MIA2: variants seen among roughly 807,000 people sequenced by gnomAD.
The protein encoded by MIA2 is MIA SH3 domain ER export factor 2.
A neutral mutation model predicts 167.8 loss-of-function variants in MIA2; 127 were observed. The observed-to-expected ratio is 0.76, with a 90% CI of 0.66 to 0.88. MIA2 has a LOEUF of 0.88. Among genes scored for constraint, MIA2 ranks in the 40% least tolerant of loss-of-function variants. The pLI is 0.00. For missense variants in MIA2, 1,690 were observed against 1,624.7 expected, an observed-to-expected ratio of 1.04 and a Z score of -0.69; for synonymous variants, 552 against 541.9, an observed-to-expected ratio of 1.02 and a Z score of -0.26.
In MIA2 at chr14:39,291,108, A is replaced by G. The variant is rs745681501; in HGVS notation, c.2208+12A>G. 1 of 1,587,950 alleles carries G rather than the reference A, an allele frequency of 6.3e-7. No individual in the cohort carries two copies. Among genetic ancestry groups the G allele is most frequent in the Admixed American group, 1.9e-5 (1 of 53,214 alleles). On this transcript the variant is annotated intron_variant, in intron 10 of 28. Transcript: ENST00000640607. ...CACAAAGTTTGGAGGTAGAAAATCA[A>G]ATGGTATAATTTTAAAAGCTGGGGA...
intron 12 of MIA2, among the ~76,000 whole-genome samples, chr14:39,294,693 C>T (rs950811125): frequency 6.6e-6 from 1 of 152,100 alleles, no homozygotes; most frequent in Admixed American, 6.5e-5. Flanking sequence ...CTGCACAGTA[C>T]ATAGAAAGTT....
chr14:39,352,652 G>A (rs2074420945), downstream of MIA2, among the ~76,000 whole-genome samples: 1 of 151,902 alleles, frequency 6.6e-6, no homozygotes, highest in African/African-American at 2.4e-5. Context: ...GCCTATAACT[G>A]TACTTCTTCC....
chr14:39,266,246 C>T (rs1402014528), intron 6 of MIA2: 1 of 985,432 alleles, frequency 1.0e-6, no homozygotes, highest in Non-Finnish European at 1.2e-6. Context: ...AATGATCATG[C>T]TGGCAAGGAA....
intron 6 of MIA2, chr14:39,267,156 A>C (rs1046474612): frequency 5.1e-6 from 6 of 1,165,510 alleles, no homozygotes; most frequent in Non-Finnish European, 6.4e-6. Context: ...TGCCCGGCCG[A>C]AACCAAACCG....
At chr14:39,300,617 TGAG>T (rs1187004315) in intron 14 of MIA2, among the ~76,000 whole-genome samples, 2 of 133,980 alleles carry the variant, frequency 1.5e-5, no homozygotes, top group Non-Finnish European at 3.0e-5. Context: ...AGTTGAACAA[TGAG>T]GACACTTGGA....
intron 13 of MIA2, among the ~76,000 whole-genome samples, chr14:39,296,305 A>T (rs947618219): frequency 2.6e-5 from 4 of 151,962 alleles, no homozygotes; most frequent in African/African-American, 9.7e-5. Context: ...TTTTGGTTGA[A>T]TATATTCTGG....
At chr14:39,353,657 G>C (rs1384998723), downstream of MIA2, among the ~76,000 whole-genome samples, 1 of 152,030 alleles carries the variant, frequency 6.6e-6, no homozygotes, top group Non-Finnish European at 1.5e-5. Flanking sequence ...TGCCATGTTG[G>C]TGTGCTGCAC....
chr14:39,270,307 T>C (rs2056902499), intron 6 of MIA2, among the ~76,000 whole-genome samples: 1 of 151,626 alleles, frequency 6.6e-6, no homozygotes, highest in South Asian at 2.1e-4. Context: ...GTTCAAGTGA[T>C]TCTCCTGCCT....
At chr14:39,253,352 T>A (rs1400067990) in intron 6 of MIA2, 181 bp downstream of exon 6, 1 of 837,216 alleles carries the variant, frequency 1.2e-6, no homozygotes, top group Non-Finnish European at 1.9e-6. Flanking sequence ...GGATATTGAT[T>A]TTTAAAAACA....
At chr14:39,250,395 T>C (rs1285033400) in intron 4 of MIA2, among the ~76,000 whole-genome samples, 1 of 152,014 alleles carries the variant, frequency 6.6e-6, no homozygotes, top group East Asian at 1.9e-4. Context: ...AGTGACACTT[T>C]TTCTCTAAAG....
chr14:39,296,241 A>T (rs73277467), intron 13 of MIA2, among the ~76,000 whole-genome samples: 2,724 of 152,028 alleles, frequency 0.018, 91 homozygotes, highest in African/African-American at 0.063. Flanking sequence ...ATAGGAGATA[A>T]TTTTTTTAGA....
At chr14:39,237,742 G>C (rs866181734) in intron 2 of MIA2, among the ~76,000 whole-genome samples, 84 of 152,058 alleles carry the variant, frequency 5.5e-4, no homozygotes, top group African/African-American at 2.0e-3. Flanking sequence ...CAAGGTTTTT[G>C]TTTGTTTGTT....
chr14:39,279,059 G>A (rs996461971), intron 7 of MIA2, among the ~76,000 whole-genome samples: 1 of 151,182 alleles, frequency 6.6e-6, no homozygotes, highest in Non-Finnish European at 1.5e-5. Flanking sequence ...TACTCAGGAG[G>A]CTGAGGCAGA....
At chr14:39,293,730 T>C (rs934449991) in intron 11 of MIA2, among the ~76,000 whole-genome samples, 1 of 152,210 alleles carries the variant, frequency 6.6e-6, no homozygotes, top group African/African-American at 2.4e-5. Flanking sequence ...AATCTTGATG[T>C]ATGTGAGATT....
chr14:39,374,875 G>A (rs970507412), intron 23 of MIA2, among the ~76,000 whole-genome samples: 1 of 152,204 alleles, frequency 6.6e-6, no homozygotes, highest in African/African-American at 2.4e-5. Context: ...AGTTAAGGCA[G>A]GTATTTGAAT....
Position 39,279,358 on chromosome 14 carries a change from G to A in MIA2, c.2041G>A (p.Gly681Arg). ...FRSVRSRLYV[G>R]REKKLALMLS... The stretch of plus-strand genomic sequence containing the variant: ...TCAGGTTAGGAGTCGGCTTTATGTG[G>A]GTAAGTTCTTTTTTCTGCTTTGACT... Residue 681 changes from glycine to arginine, a missense_variant and splice_region_variant, in exon 8 of 29, where the codon GGA (glycine) becomes AGA (arginine). Coordinates refer to ENST00000640607, the MANE Select transcript of MIA2 (RefSeq NM_001329214.4). The A allele has an allele frequency of 6.2e-7, 1 of 1,608,448 alleles. No homozygotes were observed. Among genetic ancestry groups the A allele is most frequent in the East Asian group, 2.2e-5 (1 of 44,770 alleles).
Position 39,385,378 on chromosome 14 carries a change from A to T in MIA2, c.2249-1507A>T, listed in dbSNP as rs1174838555. 7 of 1,099,328 alleles carry T rather than the reference A, an allele frequency of 6.4e-6. No homozygotes were observed. In the East Asian group the frequency reaches 1.6e-4, roughly 26 times the overall value. 68.1% of individuals were successfully genotyped at this position (1,099,328 alleles called of 1,614,324 possible). A position where few individuals can be genotyped will look rare whatever the true frequency, so the allele number is the denominator to read the frequency against. On this transcript the variant is annotated intron_variant, in intron 23 of 23. Transcript: ENST00000341502. ...TGCACAAACAAGACATTCATAAACT[A>T]TAAGGTGGAGAGGTCATACTCAGGC... is the stretch of plus-strand genomic sequence containing the variant.
chr14:39,355,802 T>G (rs1290955898), downstream of MIA2, among the ~76,000 whole-genome samples: 1 of 152,200 alleles, frequency 6.6e-6, no homozygotes, highest in Non-Finnish European at 1.5e-5. Flanking sequence ...CTGCATCTAT[T>G]GAGATAATCA....
Position 39,382,549 on chromosome 14 carries a change from C to T in MIA2, c.2249-4336C>T, listed in dbSNP as rs1487902221. ...GGAGGGGAAATTGGGAGAGTATGGT[C>T]ACGTTACTGAATCCACATGTTACAA... On this transcript the variant is annotated intron_variant, in intron 23 of 23. Transcript: ENST00000341502. 2.0e-5 allele frequency among the ~76,000 whole-genome samples: 3 copies of T among 152,122 alleles called. No individual in the cohort carries two copies. In the East Asian group the frequency reaches 5.8e-4, roughly 29 times the overall value.
Sources: gnomAD v4.1 joint callset for allele counts (sites outside exome capture counted in the v4.1 genomes callset) on GRCh38, gnomAD v4.1.1 for gene constraint, MANE v1.5 for transcripts, NCBI Gene and HGNC (gene_info 2026-07-23, HGNC 2026-07-21) for gene names.